Variants in GBF1 observed in about 807,000 individuals in gnomAD.
GBF1 encodes the protein golgi brefeldin A resistant guanine nucleotide exchange factor 1, also known as Golgi-specific brefeldin A-resistance guanine nucleotide exchange factor 1.
Under a neutral mutation model 210.5 loss-of-function variants are expected in GBF1, and 114 were observed. That is an observed-to-expected ratio of 0.54 (90% CI 0.47 to 0.63). The LOEUF is 0.63. Ranked by LOEUF, GBF1 falls within the 30% of genes least tolerant of loss-of-function variation. The probability of loss-of-function intolerance (pLI) is 0.00; values close to 1 mark genes in which losing one functional copy is unlikely to be tolerated. For missense variants in GBF1, 1,851 were observed against 2,357.7 expected, an observed-to-expected ratio of 0.79 and a Z score of 4.45; for synonymous variants, 850 against 889.2, an observed-to-expected ratio of 0.96 and a Z score of 0.78.
At chr10:102,364,188 G>A (rs1264625303) in intron 17 of GBF1, among the ~76,000 whole-genome samples, 1 of 141,848 alleles carries the variant, frequency 7.0e-6, no homozygotes, top group African/African-American at 2.6e-5. Flanking sequence ...AAATAGTAAG[G>A]TTCAAATAAC....
chr10:102,280,342 A>G (rs903192677), intron 3 of GBF1, among the ~76,000 whole-genome samples: 1 of 152,112 alleles, frequency 6.6e-6, no homozygotes, highest in Admixed American at 6.5e-5. Flanking sequence ...TTCCCCTTTC[A>G]GTAGAATGTT....
At position 102,374,376 on chromosome 10, in the gene GBF1, G is replaced by A. The variant is rs537395877; in HGVS notation, c.3661-983G>A. On this transcript the variant is annotated intron_variant, in intron 29 of 39. Coordinates refer to ENST00000369983, the MANE Select transcript of GBF1 (RefSeq NM_001377137.1). Reference sequence around the variant, plus strand: ...AAAAAAAAGAATTTGAAGACAGATTGCTAAGGATTAGGGATGGGGGCAGGA... The same window carrying A: ...AAAAAAAAGAATTTGAAGACAGATTACTAAGGATTAGGGATGGGGGCAGGA... Among the ~76,000 whole-genome samples, 6 of 151,918 alleles carry A rather than the reference G, an allele frequency of 3.9e-5. No homozygotes were observed. In the East Asian group the frequency reaches 1.2e-3, roughly 29 times the overall value.
At chr10:102,301,127 G>T (rs2077306798) in intron 3 of GBF1, among the ~76,000 whole-genome samples, 2 of 152,034 alleles carry the variant, frequency 1.3e-5, no homozygotes, top group African/African-American at 4.8e-5. Context: ...AGGACCCTGT[G>T]GCCTTCCGCA....
chr10:102,312,655 CT>C (rs1288615262), intron 3 of GBF1, among the ~76,000 whole-genome samples: 2 of 152,308 alleles, frequency 1.3e-5, no homozygotes, highest in South Asian at 2.1e-4. Flanking sequence ...TAAGCCTATA[CT>C]TTTGGTGTTC....
At chr10:102,351,423 C>A in intron 5 of GBF1, 49 bp downstream of exon 5, 1 of 987,420 alleles carries the variant, frequency 1.0e-6, no homozygotes, top group South Asian at 1.3e-5. Flanking sequence ...GGGCTGGTGC[C>A]GCAGACTCTA....
intron 1 of GBF1, among the ~76,000 whole-genome samples, chr10:102,255,291 T>C (rs1002919423): frequency 5.9e-5 from 9 of 152,194 alleles, no homozygotes; most frequent in Non-Finnish European, 1.3e-4. Flanking sequence ...TCTGCCCACC[T>C]CAGCCTCCCA....
intron 3 of GBF1, among the ~76,000 whole-genome samples, chr10:102,285,142 T>A (rs930843223): frequency 1.4e-4 from 21 of 152,184 alleles, no homozygotes; most frequent in African/African-American, 5.1e-4. Flanking sequence ...CGAACACAGA[T>A]TTTACAGATT....
intron 11 of GBF1, 79 bp downstream of exon 11, chr10:102,359,514 C>T (rs1389102550): frequency 1.9e-6 from 2 of 1,039,356 alleles, no homozygotes; most frequent in African/African-American, 1.6e-5. Context: ...CCGTCTTAAA[C>T]CAAGATATTG....
chr10:102,353,848 C>T (rs1190720676), intron 8 of GBF1, among the ~76,000 whole-genome samples, 194 bp downstream of exon 8: 2 of 152,214 alleles, frequency 1.3e-5, no homozygotes, highest in Non-Finnish European at 1.5e-5. Context: ...CTTTTCTGCT[C>T]TGGCCTATCT....
chr10:102,267,546 T>C (rs1589424843), intron 3 of GBF1, among the ~76,000 whole-genome samples: 2 of 152,280 alleles, frequency 1.3e-5, no homozygotes, highest in East Asian at 3.9e-4. Context: ...GTATGTTATA[T>C]GAAAAAAATT....
upstream of GBF1, among the ~76,000 whole-genome samples, chr10:102,242,634 G>C (rs1342403706): frequency 6.6e-6 from 1 of 152,144 alleles, no homozygotes; most frequent in Non-Finnish European, 1.5e-5. Flanking sequence ...GTGCTCCGAA[G>C]AGCCTAAGCC....
intron 3 of GBF1, among the ~76,000 whole-genome samples, chr10:102,279,523 C>G (rs1249732925): frequency 6.6e-6 from 1 of 152,130 alleles, no homozygotes; most frequent in Admixed American, 6.6e-5. Flanking sequence ...TTTGGAAATG[C>G]CCATTGTCCA....
intron 1 of GBF1, among the ~76,000 whole-genome samples, chr10:102,248,507 G>A (rs150409733): frequency 6.6e-6 from 1 of 152,088 alleles, no homozygotes; most frequent in Admixed American, 6.5e-5. Context: ...CAGGGGTTAC[G>A]AGCTCATGTG....
chr10:102,344,137 C>A lies in GBF1; in HGVS notation c.250C>A (p.Leu84Met). The change falls in exon 4 of 40, where the codon CTG becomes ATG. Residue 84 changes from leucine (L) to methionine (M), a missense_variant. By Grantham distance (15) the Leu-to-Met change is conservative (BLOSUM62 2). Coordinates refer to ENST00000369983, the MANE Select transcript of GBF1 (RefSeq NM_001377137.1). ...AGATACCACTGGCCCTATCACTGGA[C>A]TGGCACTCACCTCTGTCAACAAGTT... ...SEDTTGPITG[L>M]ALTSVNKFLS... is the part of the protein sequence containing the mutation. 1 of 1,613,436 alleles carries A rather than the reference C, an allele frequency of 6.2e-7. No homozygotes were observed. Among genetic ancestry groups the A allele is most frequent in the Non-Finnish European group, 8.5e-7 (1 of 1,179,316 alleles).
chr10:102,342,379 TCACACACACG>T (rs943561631), intron 3 of GBF1, among the ~76,000 whole-genome samples: 9 of 149,720 alleles, frequency 6.0e-5, no homozygotes, highest in African/African-American at 1.8e-4. Flanking sequence ...TTTCAGTTTT[TCACACACACG>T]CACACACACA....
intron 29 of GBF1, among the ~76,000 whole-genome samples, chr10:102,373,005 T>C (rs531746379): frequency 6.6e-6 from 1 of 152,330 alleles, no homozygotes; most frequent in African/African-American, 2.4e-5. Flanking sequence ...GAAAAATTGA[T>C]AAGTTGGGCT....
chr10:102,357,537 G>C (rs1182373784), intron 8 of GBF1, among the ~76,000 whole-genome samples: 1 of 151,730 alleles, frequency 6.6e-6, no homozygotes, highest in Non-Finnish European at 1.5e-5. Flanking sequence ...TCACATACCA[G>C]TAAGAAAACC....
At chr10:102,283,042 T>C (rs1426352253) in intron 3 of GBF1, among the ~76,000 whole-genome samples, 1 of 152,162 alleles carries the variant, frequency 6.6e-6, no homozygotes, top group Non-Finnish European at 1.5e-5. Flanking sequence ...GTGGAAACTA[T>C]TGAGGTACAA....
At position 102,277,886 on chromosome 10, in the gene GBF1, A is replaced by T. The variant is rs371716028; in HGVS notation, c.163+17770A>T. Among the ~76,000 whole-genome samples, 5 of 151,550 alleles carry T rather than the reference A, an allele frequency of 3.3e-5. No individual in the cohort carries two copies. The South Asian group carries it at 8.3e-4, about 25-fold the overall frequency. ...AGGATCACAAATTACATTAGTTGTC[A>T]TGTTTCTTTAGTCTCCTTTAATCTG... is the stretch of plus-strand genomic sequence containing the variant. On this transcript the variant is annotated intron_variant, in intron 3 of 39. Coordinates refer to ENST00000369983, the MANE Select transcript of GBF1 (RefSeq NM_001377137.1).
Sources: allele counts gnomAD v4.1 joint callset (sites outside exome capture counted in the v4.1 genomes callset), GRCh38; gene constraint gnomAD v4.1.1; transcripts MANE v1.5; gene names NCBI Gene and HGNC (gene_info 2026-07-23, HGNC 2026-07-21).